The following GALNT14 variants were observed in gnomAD, a reference collection of about 807,000 sequenced individuals.
GALNT14 encodes the protein polypeptide N-acetylgalactosaminyltransferase 14.
Under a neutral mutation model 77.5 loss-of-function variants are expected in GALNT14, and 60 were observed. The ratio of observed to expected loss-of-function variants is 0.77; its 90% CI spans 0.63 to 0.96. The LOEUF (loss-of-function observed/expected upper bound fraction) is 0.96. GALNT14 is among the 40% of genes least tolerant of loss of function. GALNT14 has a pLI of 0.00. For missense variants in GALNT14, 710 were observed against 731.0 expected, an observed-to-expected ratio of 0.97 and a Z score of 0.33; for synonymous variants, 280 against 281.7, an observed-to-expected ratio of 0.99 and a Z score of 0.06.
chr2:31,081,227 T>G (rs1343115171), intron 1 of GALNT14, among the ~76,000 whole-genome samples: 1 of 152,220 alleles, frequency 6.6e-6, no homozygotes, highest in Non-Finnish European at 1.5e-5. Context: ...TAAGGCCTCG[T>G]GAAGGTCATA....
intron 1 of GALNT14, among the ~76,000 whole-genome samples, chr2:31,111,538 A>G (rs1677834482): frequency 6.6e-6 from 1 of 152,220 alleles, no homozygotes; most frequent in African/African-American, 2.4e-5. Flanking sequence ...GCTTTTACCC[A>G]TGGCTTTAAA....
chr2:30,896,856 T>C, the GALNT14 span, among the ~76,000 whole-genome samples: 1 of 151,272 alleles, frequency 6.6e-6, no homozygotes, highest in Non-Finnish European at 1.5e-5. Flanking sequence ...AAAATAGCCA[T>C]TGTCTATTTT....
intron 1 of GALNT14, among the ~76,000 whole-genome samples, chr2:31,079,350 T>C (rs748761475): frequency 4.6e-5 from 7 of 152,170 alleles, no homozygotes; most frequent in Non-Finnish European, 1.0e-4. Context: ...TGAATGTGTG[T>C]TCAGAGTTCT....
At chr2:31,024,830 G>T (rs1294746361) in intron 1 of GALNT14, among the ~76,000 whole-genome samples, 2 of 152,226 alleles carry the variant, frequency 1.3e-5, no homozygotes, top group Non-Finnish European at 2.9e-5. Flanking sequence ...AGAAGTAATG[G>T]GGAACCACTG....
chr2:31,050,774 G>T (rs115627724), intron 1 of GALNT14, among the ~76,000 whole-genome samples: 80 of 108,190 alleles, frequency 7.4e-4, no homozygotes, highest in African/African-American at 1.3e-3. Context: ...AAAGTTTTTT[G>T]TTTTTTTTTT....
chr2:30,890,349 C>T, the GALNT14 span, among the ~76,000 whole-genome samples: 2 of 152,164 alleles, frequency 1.3e-5, no homozygotes, highest in Non-Finnish European at 2.9e-5. Context: ...AGCTGCTAGT[C>T]TTCCTTTTAG....
chr2:30,948,587 C>T (rs1666842167), intron 6 of GALNT14, among the ~76,000 whole-genome samples: 1 of 152,208 alleles, frequency 6.6e-6, no homozygotes, highest in Non-Finnish European at 1.5e-5. Context: ...GTGATGTTGC[C>T]TCACAACCTT....
At position 30,924,721 on chromosome 2, in the gene GALNT14, C is replaced by T. The variant is rs1298753247; in HGVS notation, c.1235+19G>A. The T allele has an allele frequency of 1.2e-6, 2 of 1,610,110 alleles. No individual in the cohort carries two copies. Among genetic ancestry groups the T allele is most frequent in the African/African-American group, 1.3e-5 (1 of 74,948 alleles). ...CTCTGCTTTCAGCCAGCCAAAGCTC[C>T]AACAGGTAGGACGGATACCTGAGTT... is the stretch of plus-strand genomic sequence containing the variant. On this transcript the variant is annotated intron_variant, in intron 12 of 14. Coordinates refer to ENST00000349752, the MANE Select transcript of GALNT14 (RefSeq NM_024572.4).
intron 1 of GALNT14, among the ~76,000 whole-genome samples, chr2:31,090,811 T>C (rs527788609): frequency 6.6e-6 from 1 of 152,090 alleles, no homozygotes; most frequent in South Asian, 2.1e-4. Context: ...CCTTCATCTT[T>C]AAGGGACTTT....
At chr2:31,038,811 T>C (rs1321921586) in intron 1 of GALNT14, among the ~76,000 whole-genome samples, 1 of 151,220 alleles carries the variant, frequency 6.6e-6, no homozygotes. Context: ...AGTGGGGCAA[T>C]CTCGGCTCAC....
At chr2:30,940,906 C>A (rs1666339518) in intron 9 of GALNT14, among the ~76,000 whole-genome samples, 2 of 152,218 alleles carry the variant, frequency 1.3e-5, no homozygotes, top group Non-Finnish European at 2.9e-5. Flanking sequence ...AGTCTGGACC[C>A]TGTATGGCAG....
At chr2:30,896,589 A>C in the GALNT14 span, among the ~76,000 whole-genome samples, 1 of 152,198 alleles carries the variant, frequency 6.6e-6, no homozygotes, top group African/African-American at 2.4e-5. Flanking sequence ...TCTAAGAACA[A>C]TGCTGGGGAC....
At chr2:31,034,959 T>C (rs1672625118) in intron 1 of GALNT14, among the ~76,000 whole-genome samples, 1 of 152,246 alleles carries the variant, frequency 6.6e-6, no homozygotes, top group Non-Finnish European at 1.5e-5. Context: ...TTGGAAAATC[T>C]ACTTTGTATG....
chr2:30,961,068 G>A (rs949616741), intron 3 of GALNT14, among the ~76,000 whole-genome samples: 27 of 152,250 alleles, frequency 1.8e-4, no homozygotes, highest in South Asian at 2.1e-4. Context: ...GCAGGGCAGC[G>A]TGGGCAGTGT....
At chr2:31,135,785 C>G in intron 1 of GALNT14, among the ~76,000 whole-genome samples, 1 of 152,204 alleles carries the variant, frequency 6.6e-6, no homozygotes, top group Admixed American at 6.5e-5. Context: ...TGGCCCCCCA[C>G]CCCCATGCCA....
intron 1 of GALNT14, among the ~76,000 whole-genome samples, chr2:31,057,166 A>C (rs1013390960): frequency 6.6e-6 from 1 of 151,580 alleles, no homozygotes; most frequent in African/African-American, 2.4e-5. Flanking sequence ...GGGTTGAAAA[A>C]CTAACTATTC....
chr2:30,965,315 C>T (rs1484758443), intron 3 of GALNT14, among the ~76,000 whole-genome samples: 1 of 152,186 alleles, frequency 6.6e-6, no homozygotes, highest in Non-Finnish European at 1.5e-5. Context: ...GGCCTCCTCA[C>T]CTCTGCAGCT....
intron 13 of GALNT14, among the ~76,000 whole-genome samples, chr2:30,919,204 C>CCTGGAGA (rs56145555): frequency 0.39 from 59,027 of 151,632 alleles, 11,520 homozygotes; most frequent in South Asian, 0.46. Context: ...AACTTGTTAA[C>CCTGGAGA]CTTCTCGGGC....
chr2:31,051,556 G>C (rs139040540), intron 1 of GALNT14, among the ~76,000 whole-genome samples: 48 of 152,266 alleles, frequency 3.2e-4, no homozygotes, highest in African/African-American at 1.1e-3. Flanking sequence ...CTGCTAGCCG[G>C]ACCTTTGGAT....
Sources: allele counts gnomAD v4.1 joint callset (sites outside exome capture counted in the v4.1 genomes callset), GRCh38; gene constraint gnomAD v4.1.1; transcripts MANE v1.5; gene names NCBI Gene and HGNC (gene_info 2026-07-23, HGNC 2026-07-21).